The following MKI67 variants were observed in gnomAD, a reference collection of about 807,000 sequenced individuals.
The protein encoded by MKI67 is marker of proliferation Ki-67.
In MKI67, 152 loss-of-function variants were observed where a neutral mutation model predicts 233.5. That is an observed-to-expected ratio of 0.65 (90% CI 0.57 to 0.74). The LOEUF is 0.74. Ranked by LOEUF, MKI67 falls within the 30% of genes least tolerant of loss-of-function variation. MKI67 has a pLI of 0.00. For synonymous variants in MKI67, 1,465 were observed against 1,418.5 expected (o/e 1.03, Z -0.74); for missense variants, 3,940 against 3,885.2 (o/e 1.01, Z -0.37).
Position 128,108,841 on chromosome 10 carries a change from CCT to C in MKI67, c.2997_2998del (p.Gly1000GlnfsTer4). On this transcript the variant is annotated frameshift_variant, in exon 13 of 15. Transcript: ENST00000368654. LOFTEE classifies it high-confidence loss of function. ...CTGGCAGGGCATTTTAGTGATTTTG[CCT>C]TTCTCACTCTTTGGTGCCTTGGCAT... 6.2e-7 allele frequency: 1 copy of C among 1,614,138 alleles called. No individual in the cohort carries two copies. Among genetic ancestry groups the C allele is most frequent in the Non-Finnish European group, 8.5e-7 (1 of 1,180,028 alleles).
rs1179019348 is a variant in MKI67 at position 128,103,768 on chromosome 10, T to C, written c.8072A>G (p.His2691Arg). The C allele has an allele frequency of 1.2e-6, 2 of 1,613,882 alleles. No homozygotes were observed. The highest frequency in any genetic ancestry group is 1.7e-6 in the Non-Finnish European group (2 of 1,180,024). ...GFTELSETSG[H>R]TQESLTAGKA... ...GCCAGCAGTCAGTGATTCCTGAGTG[T>C]GACCTGATGTTTCAGAGAGCTCTGT... Residue 2691 changes from histidine to arginine, a missense_variant, in exon 13 of 15, where the codon CAC becomes CGC. Physicochemically the swap from His to Arg is conservative, Grantham distance 29. Transcript: ENST00000368654.
intron 2 of MKI67, among the ~76,000 whole-genome samples, chr10:128,124,458 A>G (rs1853015137): frequency 4.6e-5 from 7 of 152,188 alleles, no homozygotes; most frequent in Admixed American, 4.6e-4. Flanking sequence ...ATATTGTGAC[A>G]TGGAAATTCA....
chr10:128,104,729 C>T lies in MKI67; in HGVS notation c.7111G>A (p.Glu2371Lys), dbSNP rs1852435854. ...CGTTTCCTGAGTGCTAAAAATTCTTCCTCTACGTCTGCTTTCCTGAGGTTT... is the reference window on the plus strand; with the variant it reads ...CGTTTCCTGAGTGCTAAAAATTCTTTCTCTACGTCTGCTTTCCTGAGGTTT... The part of the protein sequence containing the change: ...KRNLRKADVE[E>K]EFLALRKRTP... The change falls in exon 13 of 15, where the codon GAA (glutamate) becomes AAA (lysine). Residue 2371 changes from glutamate (E) to lysine (K), a missense_variant. Transcript: ENST00000368654. 2 of 1,613,858 alleles carry T rather than the reference C, an allele frequency of 1.2e-6. No homozygotes were observed. The highest frequency in any genetic ancestry group is 2.2e-5 in the South Asian group (2 of 91,064).
chr10:128,120,493 AAAAC>A (rs903609712), intron 4 of MKI67, among the ~76,000 whole-genome samples: 8 of 152,242 alleles, frequency 5.3e-5, no homozygotes, highest in African/African-American at 1.4e-4. Context: ...CTCTGTCTCA[AAAAC>A]AAACAAACAA....
In MKI67 at chr10:128,103,943, G is replaced by A; in HGVS notation, c.7897C>T (p.His2633Tyr). ...TCATCACCGCTTGCTGGTTCTTTGT[G>A]TGTGTGTGTGCTTTGCCCTGATGTT... is the stretch of plus-strand genomic sequence containing the variant. ...TQTSGQSTHTHKEPASGDEGI... is the reference protein window; with the variant it reads ...TQTSGQSTHTYKEPASGDEGI... Residue 2633 changes from histidine to tyrosine, a missense_variant, in exon 13 of 15, where the codon CAC becomes TAC. Transcript: ENST00000368654. 6.2e-7 allele frequency: 1 copy of A among 1,613,984 alleles called. No homozygotes were observed. Among genetic ancestry groups the A allele is most frequent in the Non-Finnish European group, 8.5e-7 (1 of 1,180,000 alleles).
At position 128,108,664 on chromosome 10, in the gene MKI67, G is replaced by A. The variant is rs61729196; in HGVS notation, c.3176C>T (p.Ala1059Val). 5,466 of 1,614,150 alleles carry A rather than the reference G, an allele frequency of 3.4e-3. 290 individuals are homozygous for A. In the Admixed American group the frequency reaches 0.086, roughly 25 times the overall value. Residue 1059 changes from alanine to valine, a missense_variant, in exon 13 of 15, where the codon GCA (alanine) becomes GTA (valine). By Grantham distance (64) the Ala-to-Val change is moderately conservative. Coordinates refer to ENST00000368654, the MANE Select transcript of MKI67 (RefSeq NM_002417.5). ...GETTHTHREP[A>V]GDGKSIRTFK... ...CGTTCTGATGCTCTTGCCATCTCCT[G>A]CTGGCTCTCTGTGCGTGTGCGTGGT...
Position 128,105,987 on chromosome 10 carries a change from T to C in MKI67, c.5853A>G (p.Leu1951=). The C allele has an allele frequency of 6.2e-7, 1 of 1,614,230 alleles. No individual in the cohort carries two copies. The highest frequency in any genetic ancestry group is 8.5e-7 in the Non-Finnish European group (1 of 1,180,012). ...GCTCTTTGAAGCCAGCCAGATCTTC[T>C]AGAGCCTTGGCCTTTTCTTTAGGAG... The part of the protein sequence containing the change: ...PQTPKEKAKA[L]EDLAGFKELF... The change falls in exon 13 of 15, where the codon CTA becomes CTG. Residue 1951 remains leucine, a synonymous_variant. Coordinates refer to ENST00000368654, the MANE Select transcript of MKI67 (RefSeq NM_002417.5).
chr10:128,116,512 A>C lies in MKI67; in HGVS notation c.379T>G (p.Ser127Ala). ...EQEPARRVSR[S>A]SFSSDPDEKA... The stretch of plus-strand genomic sequence containing the variant: ...TCACCAGGGTCAGAAGAGAAGCTAG[A>C]TCTTGAGACACGACGTGCTGGCTCC... Residue 127 changes from serine (S) to alanine (A), a missense_variant, in exon 6 of 15, where the codon TCT (serine) becomes GCT (alanine). Physicochemically the swap from Ser to Ala is moderately conservative, Grantham distance 99 (BLOSUM62 1). Coordinates refer to ENST00000368654, the MANE Select transcript of MKI67 (RefSeq NM_002417.5). 6.2e-7 allele frequency: 1 copy of C among 1,614,142 alleles called. No individual in the cohort carries two copies. The highest frequency in any genetic ancestry group is 8.5e-7 in the Non-Finnish European group (1 of 1,179,964).
rs552181385 is a variant in MKI67 at position 128,114,039 on chromosome 10, G to A, written c.1481-437C>T. On this transcript the variant is annotated intron_variant, in intron 7 of 14. Coordinates refer to ENST00000368654, the MANE Select transcript of MKI67 (RefSeq NM_002417.5). ...AGTCAATTCACAGGAGCCCAGTCCC[G>A]GCCACACATTTTCCTGAGCCACCAG... is the stretch of plus-strand genomic sequence containing the variant. Among the ~76,000 whole-genome samples, 101 of 152,190 alleles carry A rather than the reference G, an allele frequency of 6.6e-4. 1 individual carries two copies. Among genetic ancestry groups the A allele is most frequent in the Admixed American group, 5.1e-3 (78 of 15,290 alleles).
At position 128,105,790 on chromosome 10, in the gene MKI67, T is replaced by G. The variant is rs768244910; in HGVS notation, c.6050A>C (p.Lys2017Thr). The G allele has an allele frequency of 6.2e-7, 1 of 1,614,234 alleles. No individual in the cohort carries two copies. The highest frequency in any genetic ancestry group is 8.5e-7 in the Non-Finnish European group (1 of 1,180,040). ...GVKEEVLPVGKLTQTSGKTTQ... is the reference protein window; with the variant it reads ...GVKEEVLPVGTLTQTSGKTTQ... ...GGTCTTCCCTGACGTCTGTGTGAGC[T>G]TGCCGACTGGTAGGACCTCTTCTTT... Residue 2017 changes from lysine (K) to threonine (T), a missense_variant, in exon 13 of 15, where the codon AAG (lysine) becomes ACG (threonine). Lys to Thr is a moderately conservative substitution (Grantham distance 78). Coordinates refer to ENST00000368654, the MANE Select transcript of MKI67 (RefSeq NM_002417.5).
In MKI67 at chr10:128,105,099, G is replaced by A. The variant is rs770582880; in HGVS notation, c.6741C>T (p.Asp2247=). ...PQSKRSLRKA[D]VEEESLALRK... The stretch of plus-strand genomic sequence containing the variant: ...TGAGTGCTAAGGATTCTTCCTCTAC[G>A]TCTGCTTTCCTGAGACTTCTCTTGG... The change falls in exon 13 of 15, where the codon GAC becomes GAT. Residue 2247 remains aspartate (D), a synonymous_variant. Coordinates refer to ENST00000368654, the MANE Select transcript of MKI67 (RefSeq NM_002417.5). 28 of 1,613,790 alleles carry A rather than the reference G, an allele frequency of 1.7e-5. No homozygotes were observed. In the Admixed American group the frequency reaches 2.0e-4, roughly 12 times the overall value.
Position 128,104,104 on chromosome 10 carries a change from T to A in MKI67, c.7736A>T (p.Asp2579Val), listed in dbSNP as rs79661992. 86,346 of 1,614,040 alleles carry A rather than the reference T, an allele frequency of 0.053. 2,484 individuals carry two copies. The highest frequency in any genetic ancestry group is 0.059 in the Non-Finnish European group (69,040 of 1,180,002). Residue 2579 changes from aspartate (D) to valine (V), a missense_variant, in exon 13 of 15, where the codon GAC becomes GTC. Transcript: ENST00000368654. Reference sequence around the variant, plus strand: ...TTTGCAGGGAATTTTTGTGTTTTTGTCAATAGTCATTGACTCTTCAGTGTG... The same window carrying A: ...TTTGCAGGGAATTTTTGTGTTTTTGACAATAGTCATTGACTCTTCAGTGTG... ...PGHTEESMTI[D>V]KNTKIPCKSP... is the part of the protein sequence containing the mutation.
At chr10:128,119,511 G>C (rs1265438555) in intron 4 of MKI67, among the ~76,000 whole-genome samples, 192 bp from the exon 5 acceptor site, 1 of 152,222 alleles carries the variant, frequency 6.6e-6, no homozygotes, top group Middle Eastern at 3.2e-3. Context: ...GTTGCATCGA[G>C]TTTGTTTTGA....
At chr10:128,116,412 T>C (rs1043208490) in intron 6 of MKI67, 79 bp downstream of exon 6, 6 of 1,283,234 alleles carry the variant, frequency 4.7e-6, no homozygotes, top group Non-Finnish European at 6.8e-6. Context: ...CTTGCATTCT[T>C]GTTGCCCCTT....
At chr10:128,110,842 T>C (rs1373443835) in intron 11 of MKI67, among the ~76,000 whole-genome samples, 1 of 152,210 alleles carries the variant, frequency 6.6e-6, no homozygotes, top group Non-Finnish European at 1.5e-5. Flanking sequence ...CGGAGGCTGG[T>C]GACGGGCTCC....
rs1852650775 is a variant in MKI67, at chr10:128,110,509, G to A, written c.2285C>T (p.Pro762Leu). 2 of 1,562,322 alleles carry A rather than the reference G, an allele frequency of 1.3e-6. No individual in the cohort carries two copies. Among genetic ancestry groups the A allele is most frequent in the African/African-American group, 1.3e-5 (1 of 74,398 alleles). Residue 762 changes from proline to leucine, a missense_variant, in exon 12 of 15, where the codon CCA becomes CTA. Transcript: ENST00000368654. ...TGTCAACTGCGGTTGCTCCTTCACT[G>A]GGGTCTTGAACATTTCAGCTATTCC... ...LSGIAEMFKT[P>L]VKEQPQLTST...
intron 14 of MKI67, 27 bp from the exon 15 acceptor site, chr10:128,099,282 T>A: frequency 6.3e-7 from 1 of 1,592,834 alleles, no homozygotes; most frequent in Non-Finnish European, 8.6e-7. Context: ...AAAATAGAAC[T>A]CTTAAGTAAT....
At position 128,108,233 on chromosome 10, in the gene MKI67, T is replaced by C; in HGVS notation, c.3607A>G (p.Thr1203Ala). Reference protein sequence around the residue: ...TPVQKLDLAGTLPGSKRQLQT... With the variant: ...TPVQKLDLAGALPGSKRQLQT... ...AGCTGTCTTTTGCTGCCAGGTAAAGTTCCTGCCAGGTCCAGTTTCTGCACT... is the reference window on the plus strand; with the variant it reads ...AGCTGTCTTTTGCTGCCAGGTAAAGCTCCTGCCAGGTCCAGTTTCTGCACT... The change falls in exon 13 of 15, where the codon ACT (threonine) becomes GCT (alanine). Residue 1203 changes from threonine to alanine, a missense_variant. Coordinates refer to ENST00000368654, the MANE Select transcript of MKI67 (RefSeq NM_002417.5). 1.2e-6 allele frequency: 2 copies of C among 1,613,334 alleles called. No individual in the cohort carries two copies. Among genetic ancestry groups the C allele is most frequent in the Non-Finnish European group, 8.5e-7 (1 of 1,179,858 alleles).
At position 128,106,512 on chromosome 10, in the gene MKI67, T is replaced by C. The variant is rs1456473927; in HGVS notation, c.5328A>G (p.Pro1776=). ...EEFLAFRKQT[P]SAGKAMHTPK... Reference sequence around the variant, plus strand: ...GTGTGTGCATGGCTTTGCCTGCTGATGGCGTTTGTTTCCTAAATGCTAAAA... The same window carrying C: ...GTGTGTGCATGGCTTTGCCTGCTGACGGCGTTTGTTTCCTAAATGCTAAAA... The change falls in exon 13 of 15, where the codon CCA becomes CCG. Residue 1776 remains proline, a synonymous_variant. Transcript: ENST00000368654. 1.9e-6 allele frequency: 3 copies of C among 1,614,198 alleles called. No homozygotes were observed. The highest frequency in any genetic ancestry group is 1.1e-5 in the South Asian group (1 of 91,078).
Sources: allele counts gnomAD v4.1 joint callset (sites outside exome capture counted in the v4.1 genomes callset), GRCh38; gene constraint gnomAD v4.1.1; transcripts MANE v1.5; gene names NCBI Gene and HGNC (gene_info 2026-07-23, HGNC 2026-07-21).